Variants in LRBA observed in about 807,000 individuals in gnomAD.
LRBA encodes the protein lipopolysaccharide-responsive and beige-like anchor protein.
LRBA carries 176 observed loss-of-function variants against 330.0 expected under a neutral mutation model. The ratio of observed to expected loss-of-function variants is 0.53; its 90% CI spans 0.47 to 0.60. LRBA has a LOEUF of 0.60. Among genes scored for constraint, LRBA ranks in the 20% least tolerant of loss-of-function variants. The pLI, the probability that LRBA is intolerant of heterozygous loss-of-function variation, is 0.00. For missense variants in LRBA, 3,259 were observed against 3,444.8 expected, an observed-to-expected ratio of 0.95 and a Z score of 1.35; for synonymous variants, 1,230 against 1,193.0, an observed-to-expected ratio of 1.03 and a Z score of -0.64.
At chr4:150,559,684 T>C (rs866330200) in intron 40 of LRBA, among the ~76,000 whole-genome samples, 1 of 87,654 alleles carries the variant, frequency 1.1e-5, no homozygotes, top group Non-Finnish European at 2.0e-5. Flanking sequence ...ATATAATATA[T>C]TATATTATAT....
chr4:150,380,600 T>C (rs564068213), intron 47 of LRBA, among the ~76,000 whole-genome samples: 2 of 152,080 alleles, frequency 1.3e-5, no homozygotes, highest in Non-Finnish European at 2.9e-5. Flanking sequence ...GCAGTTTATG[T>C]AGAATGCACA....
chr4:150,867,685 T>A lies in LRBA; in HGVS notation c.2752A>T (p.Ile918Phe), dbSNP rs1375955842. 1 of 1,607,262 alleles carries A rather than the reference T, an allele frequency of 6.2e-7. No individual in the cohort carries two copies. The highest frequency in any genetic ancestry group is 1.3e-5 in the African/African-American group (1 of 74,556). ...AAGAAACTTACCTTTGAATGAGTGA[T>A]TGATAAAGTGTCTACCCATACACGC... ...GWRVWVDTLS[I>F]THSKVTFEIH... Residue 918 changes from isoleucine (I) to phenylalanine (F), a missense_variant, in exon 22 of 57, where the codon ATC becomes TTC. By Grantham distance (21) the Ile-to-Phe change is conservative. Coordinates refer to ENST00000651943, the MANE Select transcript of LRBA (RefSeq NM_001364905.1).
At chr4:150,498,272 T>C (rs1166962133) in intron 40 of LRBA, among the ~76,000 whole-genome samples, 2 of 152,184 alleles carry the variant, frequency 1.3e-5, no homozygotes, top group Non-Finnish European at 2.9e-5. Flanking sequence ...TCAGACTCTT[T>C]ACTTGGTTGT....
chr4:150,285,196 T>A (rs924349085), intron 54 of LRBA, among the ~76,000 whole-genome samples: 1 of 152,184 alleles, frequency 6.6e-6, no homozygotes, highest in Non-Finnish European at 1.5e-5. Flanking sequence ...CCCCACCAGA[T>A]AAACCCAAAA....
intron 37 of LRBA, among the ~76,000 whole-genome samples, chr4:150,639,164 G>A (rs1219942358): frequency 1.4e-5 from 2 of 146,342 alleles, no homozygotes; most frequent in Non-Finnish European, 3.0e-5. Flanking sequence ...GAGATCACAC[G>A]GACACAGGAA....
At chr4:150,523,263 C>T (rs534418368) in intron 40 of LRBA, among the ~76,000 whole-genome samples, 17 of 152,190 alleles carry the variant, frequency 1.1e-4, no homozygotes, top group Non-Finnish European at 1.9e-4. Flanking sequence ...AACTTAATCT[C>T]TATTGTATTG....
intron 47 of LRBA, among the ~76,000 whole-genome samples, chr4:150,370,190 C>T (rs1208516048): frequency 1.3e-5 from 2 of 152,122 alleles, no homozygotes; most frequent in African/African-American, 4.8e-5. Flanking sequence ...TTGGTACTTA[C>T]CCAAATGAGA....
intron 2 of LRBA, among the ~76,000 whole-genome samples, chr4:150,984,395 G>T (rs746532460): frequency 1.3e-5 from 2 of 152,052 alleles, no homozygotes; most frequent in Non-Finnish European, 2.9e-5. Flanking sequence ...TGTAATTCCA[G>T]CTACTCTGGA....
chr4:150,510,311 A>C (rs1011257771), intron 40 of LRBA, among the ~76,000 whole-genome samples: 2 of 152,192 alleles, frequency 1.3e-5, no homozygotes, highest in African/African-American at 2.4e-5. Flanking sequence ...TTAAGGAAGA[A>C]ACTCTATACA....
chr4:150,673,278 A>AT (rs1176713456), intron 37 of LRBA, among the ~76,000 whole-genome samples: 1 of 152,218 alleles, frequency 6.6e-6, no homozygotes, highest in African/African-American at 2.4e-5. Context: ...TAAACCGAAA[A>AT]TTTTAAGTAA....
intron 37 of LRBA, among the ~76,000 whole-genome samples, chr4:150,616,409 C>T (rs1487377152): frequency 2.6e-5 from 4 of 152,198 alleles, no homozygotes; most frequent in Admixed American, 2.0e-4. Flanking sequence ...GTTTACTCAT[C>T]TCATATTGGC....
intron 31 of LRBA, among the ~76,000 whole-genome samples, chr4:150,811,115 A>G (rs933027149): frequency 6.6e-6 from 1 of 152,200 alleles, no homozygotes; most frequent in African/African-American, 2.4e-5. Context: ...CACAGACCCA[A>G]TGGCTTTATT....
intron 22 of LRBA, among the ~76,000 whole-genome samples, chr4:150,866,566 T>C (rs1313258169): frequency 6.6e-6 from 1 of 152,246 alleles, no homozygotes; most frequent in East Asian, 1.9e-4. Context: ...TTTAGAATAC[T>C]GTATTGTATT....
At chr4:150,826,192 G>C (rs946814661) in intron 30 of LRBA, among the ~76,000 whole-genome samples, 8 of 152,150 alleles carry the variant, frequency 5.3e-5, no homozygotes, top group African/African-American at 1.9e-4. Flanking sequence ...GGATGATCAA[G>C]ATAACAGGAG....
intron 44 of LRBA, among the ~76,000 whole-genome samples, chr4:150,452,722 T>C (rs933708439): frequency 6.6e-6 from 1 of 152,120 alleles, no homozygotes; most frequent in Non-Finnish European, 1.5e-5. Flanking sequence ...CTGAATACTT[T>C]TCCCCTAACA....
chr4:150,746,932 T>C (rs954978216), intron 35 of LRBA, among the ~76,000 whole-genome samples: 1 of 152,186 alleles, frequency 6.6e-6, no homozygotes, highest in Non-Finnish European at 1.5e-5. Flanking sequence ...AGTCTTACTA[T>C]TCTTGCCCAT....
chr4:150,466,852 C>T (rs1382890967), intron 44 of LRBA, among the ~76,000 whole-genome samples: 1 of 151,944 alleles, frequency 6.6e-6, no homozygotes, highest in Non-Finnish European at 1.5e-5. Context: ...TAATTTTTTT[C>T]CTAGCACCCT....
intron 4 of LRBA, among the ~76,000 whole-genome samples, chr4:150,927,073 A>C (rs538436793): frequency 2.5e-4 from 38 of 150,652 alleles, no homozygotes; most frequent in Non-Finnish European, 5.2e-4. Flanking sequence ...CCGTCTCAAA[A>C]GAAAGAAAAA....
intron 2 of LRBA, chr4:150,970,523 T>TTGTGTGTG (rs372306849): frequency 2.8e-4 from 32 of 115,646 alleles, no homozygotes; most frequent in African/African-American, 1.1e-3. Flanking sequence ...TAATATATAC[T>TTGTGTGTG]TGTGTGTGTG....
Sources: gnomAD v4.1 joint callset for allele counts (sites outside exome capture counted in the v4.1 genomes callset) on GRCh38, gnomAD v4.1.1 for gene constraint, MANE v1.5 for transcripts, NCBI Gene and HGNC (gene_info 2026-07-23, HGNC 2026-07-21) for gene names.